The following GRB14 variants were observed in gnomAD, a reference collection of about 807,000 sequenced individuals.
The protein encoded by GRB14 is growth factor receptor-bound protein 14.
A neutral mutation model predicts 69.1 loss-of-function variants in GRB14; 38 were observed. That is an observed-to-expected ratio of 0.55 (90% CI 0.42 to 0.72). GRB14 has a LOEUF of 0.72. GRB14 is among the 30% of genes least tolerant of loss of function. The probability of loss-of-function intolerance (pLI) is 0.00; values close to 1 mark genes in which losing one functional copy is unlikely to be tolerated. For missense variants in GRB14, 666 were observed against 666.1 expected (o/e 1.00, Z 0.00); for synonymous variants, 247 against 241.3 (o/e 1.02, Z -0.22).
intron 2 of GRB14, among the ~76,000 whole-genome samples, chr2:164,567,676 G>C (rs890597767): frequency 5.0e-4 from 76 of 152,112 alleles, no homozygotes; most frequent in African/African-American, 1.8e-3. Context: ...AATGCTGTAA[G>C]TGAGACATAA....
intron 12 of GRB14, 66 bp downstream of exon 12, chr2:164,496,938 GAATA>G (rs1686915928): frequency 8.3e-7 from 1 of 1,203,080 alleles, no homozygotes; most frequent in African/African-American, 1.5e-5. Context: ...TGTGGCTATG[GAATA>G]AATAATTTCT....
In GRB14 at chr2:164,621,358, G is replaced by C. The variant is rs574908196; in HGVS notation, c.-49C>G. On this transcript the variant is annotated 5_prime_UTR_variant, in exon 1 of 14. Transcript: ENST00000263915. The surrounding 1 kb of genome is among the most constrained non-coding windows in gnomAD (Gnocchi z 6.0). Reference sequence around the variant, plus strand: ...CGTCATGGGAGACTCGGCGCGTGGGGAGAAGGGGTTTGCGCGGCGGGAGGC... The same window carrying C: ...CGTCATGGGAGACTCGGCGCGTGGGCAGAAGGGGTTTGCGCGGCGGGAGGC... 5 of 1,251,952 alleles carry C rather than the reference G, an allele frequency of 4.0e-6. No homozygotes were observed. The highest frequency in any genetic ancestry group is 5.0e-6 in the Non-Finnish European group (5 of 994,830). 77.6% of individuals were successfully genotyped at this position (1,251,952 alleles called of 1,614,324 possible). A position where few individuals can be genotyped will look rare whatever the true frequency, so the allele number is the denominator to read the frequency against.
At chr2:164,544,331 T>C (rs1033937027) in intron 3 of GRB14, among the ~76,000 whole-genome samples, 2 of 152,208 alleles carry the variant, frequency 1.3e-5, no homozygotes, top group African/African-American at 4.8e-5. Flanking sequence ...AAAACACTTC[T>C]TGATTTACAG....
intron 6 of GRB14, among the ~76,000 whole-genome samples, chr2:164,509,335 C>G (rs140735036): frequency 7.2e-5 from 11 of 152,118 alleles, no homozygotes; most frequent in African/African-American, 2.7e-4. Context: ...CATTTGTGTA[C>G]AGTGGAACAC....
intron 6 of GRB14, among the ~76,000 whole-genome samples, chr2:164,509,635 C>T (rs1236087850): frequency 6.6e-6 from 1 of 152,030 alleles, no homozygotes; most frequent in East Asian, 1.9e-4. Context: ...TAAAACCTTG[C>T]TGCTAGCAGT....
chr2:164,539,488 C>A (rs2105302241), intron 3 of GRB14, among the ~76,000 whole-genome samples: 1 of 149,768 alleles, frequency 6.7e-6, no homozygotes, highest in Admixed American at 6.7e-5. Flanking sequence ...AAAAAAAATA[C>A]TAATAAGATT....
rs148198616 is a variant in GRB14 at position 164,544,746 on chromosome 2, A to C, written c.481+2914T>G. Among the ~76,000 whole-genome samples the C allele has an allele frequency of 3.0e-4, 45 of 152,294 alleles. No individual in the cohort carries two copies. In the East Asian group the frequency reaches 8.3e-3, roughly 28 times the overall value. On this transcript the variant is annotated intron_variant, in intron 3 of 13. Coordinates refer to ENST00000263915, the MANE Select transcript of GRB14 (RefSeq NM_004490.3). ...GTTGCACTATTGTAGCTCATCAGCTATCAGCTGAGGATACCGTGGAACAAT... is the reference window on the plus strand; with the variant it reads ...GTTGCACTATTGTAGCTCATCAGCTCTCAGCTGAGGATACCGTGGAACAAT...
chr2:164,617,959 T>TTGGGGG (rs760744590), intron 2 of GRB14, among the ~76,000 whole-genome samples: 1 of 77,064 alleles, frequency 1.3e-5, no homozygotes, highest in Non-Finnish European at 2.8e-5. Context: ...ATCTTTTTTT[T>TTGGGGG]GGGGGGGGGG....
At chr2:164,556,669 A>C (rs986216928) in intron 2 of GRB14, among the ~76,000 whole-genome samples, 5 of 152,162 alleles carry the variant, frequency 3.3e-5, no homozygotes, top group Non-Finnish European at 7.3e-5. Flanking sequence ...CTCATATCTT[A>C]GGATAAACCA....
At chr2:164,577,653 A>G (rs1689284999) in intron 2 of GRB14, among the ~76,000 whole-genome samples, 1 of 152,230 alleles carries the variant, frequency 6.6e-6, no homozygotes, top group Non-Finnish European at 1.5e-5. Context: ...AGTTCTTTAT[A>G]GCAGTGTGAG....
intron 9 of GRB14, among the ~76,000 whole-genome samples, chr2:164,498,299 T>C (rs550148144): frequency 4.6e-5 from 7 of 152,312 alleles, no homozygotes; most frequent in African/African-American, 1.7e-4. Context: ...GATAAAGTCA[T>C]TGTTTTTGCT....
At chr2:164,610,949 T>C (rs1690154699) in intron 2 of GRB14, among the ~76,000 whole-genome samples, 1 of 144,732 alleles carries the variant, frequency 6.9e-6, no homozygotes, top group Non-Finnish European at 1.5e-5. Flanking sequence ...GATGACCTTA[T>C]ACTGAAATCT....
At position 164,621,348 on chromosome 2, in the gene GRB14, G is replaced by C. The variant is rs1690458372; in HGVS notation, c.-39C>G. The C allele has an allele frequency of 1.2e-5, 15 of 1,264,250 alleles. No individual in the cohort carries two copies. The highest frequency in any genetic ancestry group is 1.5e-5 in the Non-Finnish European group (15 of 1,003,446). The allele number at this position is 1,264,250 out of a possible 1,614,324, so 78.3% of individuals were successfully genotyped here. A position where few individuals can be genotyped will look rare whatever the true frequency, so the allele number is the denominator to read the frequency against. Reference sequence around the variant, plus strand: ...GGGGCTCGGGCGTCATGGGAGACTCGGCGCGTGGGGAGAAGGGGTTTGCGC... The same window carrying C: ...GGGGCTCGGGCGTCATGGGAGACTCCGCGCGTGGGGAGAAGGGGTTTGCGC... On this transcript the variant is annotated 5_prime_UTR_variant, in exon 1 of 14. Transcript: ENST00000263915. This position sits in a 1 kb window ranked among gnomAD's most constrained non-coding sequence, Gnocchi z 6.0.
At chr2:164,576,491 T>C (rs1230988565) in intron 2 of GRB14, among the ~76,000 whole-genome samples, 2 of 151,654 alleles carry the variant, frequency 1.3e-5, no homozygotes, top group East Asian at 3.9e-4. Flanking sequence ...CTAATCACAA[T>C]ACAGTAAAAG....
chr2:164,548,662 T>A (rs1390322457), intron 2 of GRB14, among the ~76,000 whole-genome samples: 1 of 152,172 alleles, frequency 6.6e-6, no homozygotes, highest in African/African-American at 2.4e-5. Context: ...ACCGTATCAA[T>A]CCACATTCTC....
chr2:164,567,051 AT>A (rs1559054333), intron 2 of GRB14, among the ~76,000 whole-genome samples: 1 of 152,172 alleles, frequency 6.6e-6, no homozygotes. Context: ...CATAGACTTG[AT>A]AAATGTTAAT....
At chr2:164,601,225 A>C (rs1488540767) in intron 2 of GRB14, among the ~76,000 whole-genome samples, 1 of 151,978 alleles carries the variant, frequency 6.6e-6, no homozygotes, top group Non-Finnish European at 1.5e-5. Flanking sequence ...AAATCTTATA[A>C]ATTGAAAATA....
intron 2 of GRB14, among the ~76,000 whole-genome samples, chr2:164,565,643 C>T (rs1039079115): frequency 2.0e-5 from 3 of 152,066 alleles, no homozygotes; most frequent in African/African-American, 7.2e-5. Context: ...GAGAAAAATG[C>T]GATGAGGTAA....
chr2:164,527,675 A>T (rs1193147775), intron 3 of GRB14, among the ~76,000 whole-genome samples: 1 of 152,042 alleles, frequency 6.6e-6, no homozygotes, highest in Non-Finnish European at 1.5e-5. Flanking sequence ...ATACAAGAAG[A>T]TACAGGTTTT....
Sources: allele counts gnomAD v4.1 joint callset (sites outside exome capture counted in the v4.1 genomes callset), GRCh38; gene constraint gnomAD v4.1.1; non-coding constraint Gnocchi (gnomAD v3.1); transcripts MANE v1.5; gene names NCBI Gene and HGNC (gene_info 2026-07-23, HGNC 2026-07-21).